Variants in KIF18B observed in about 807,000 individuals in gnomAD.
The protein encoded by KIF18B is kinesin family member 18B.
Under a neutral mutation model 80.9 loss-of-function variants are expected in KIF18B, and 49 were observed. That is an observed-to-expected ratio of 0.61 (90% CI 0.48 to 0.77). The LOEUF (loss-of-function observed/expected upper bound fraction) is 0.77. KIF18B is among the 30% of genes least tolerant of loss of function. The pLI is 0.00. For synonymous variants in KIF18B, 439 were observed against 463.9 expected, an observed-to-expected ratio of 0.95 and a Z score of 0.69; for missense variants, 994 against 1,127.7, an observed-to-expected ratio of 0.88 and a Z score of 1.70.
intron 1 of KIF18B, among the ~76,000 whole-genome samples, chr17:44,945,155 G>A (rs536257845): frequency 6.6e-6 from 1 of 152,312 alleles, no homozygotes; most frequent in African/African-American, 2.4e-5. Context: ...AACCTCCTAA[G>A]GCTCAAAAGA....
chr17:44,927,148 TC>T lies in KIF18B; in HGVS notation c.2277-71del. On this transcript the variant is annotated intron_variant, in intron 13 of 15. Coordinates refer to ENST00000593135, the MANE Select transcript of KIF18B (RefSeq NM_001265577.2). This position sits in a 1 kb window ranked among gnomAD's most constrained non-coding sequence, Gnocchi z 4.1. ...GAAGCAAGGCCAGCCACTTCCTCCC[TC>T]CAGCCCCCAGCTCGGGCATGGGGGA... is the stretch of plus-strand genomic sequence containing the variant. 1 of 1,199,414 alleles carries T rather than the reference TC, an allele frequency of 8.3e-7. No homozygotes were observed. Among genetic ancestry groups the T allele is most frequent in the Non-Finnish European group, 1.2e-6 (1 of 848,606 alleles). The allele number at this position is 1,199,414 out of a possible 1,614,324, so 74.3% of individuals were successfully genotyped here.
rs1446585096 is a variant in KIF18B at position 44,933,580 on chromosome 17, TCTC to T, written c.1062+340_1062+342del. On this transcript the variant is annotated intron_variant, in intron 7 of 15. Transcript: ENST00000593135. ...TTATCTCAGCTCACTGCAACCTTCA[TCTC>T]CTGGGTTCAAGCGATTCTTCTGCCT... is the stretch of plus-strand genomic sequence containing the variant. Among the ~76,000 whole-genome samples the T allele has an allele frequency of 4.0e-4, 60 of 151,460 alleles. 1 individual carries two copies. The highest frequency in any genetic ancestry group is 4.4e-5 in the Non-Finnish European group (3 of 67,842).
At position 44,936,327 on chromosome 17, in the gene KIF18B, G is replaced by T; in HGVS notation, c.18C>A (p.Ser6Arg). MAVEDSTLQVVVRVRP... is the reference protein window; with the variant it reads MAVEDRTLQVVVRVRP... ...GCACCCGTACCACTACTTGCAGCGTGCTGTCCTCCACTGCCATCACTGTGG... is the reference window on the plus strand; with the variant it reads ...GCACCCGTACCACTACTTGCAGCGTTCTGTCCTCCACTGCCATCACTGTGG... Residue 6 changes from serine (S) to arginine (R), a missense_variant, in exon 2 of 16, where the codon AGC (serine) becomes AGA (arginine). Transcript: ENST00000593135. 6.2e-7 allele frequency: 1 copy of T among 1,606,530 alleles called. No individual in the cohort carries two copies. The highest frequency in any genetic ancestry group is 8.5e-7 in the Non-Finnish European group (1 of 1,177,740).
In KIF18B at chr17:44,933,082, C is replaced by T. The variant is rs144510846; in HGVS notation, c.1063-96G>A. On this transcript the variant is annotated intron_variant, in intron 7 of 15. Coordinates refer to ENST00000593135, the MANE Select transcript of KIF18B (RefSeq NM_001265577.2). ...CAGGCACTGCACTAGGTCTCTCCCA[C>T]GTCCCCATGACCCACCCTCGCAAGT... The T allele has an allele frequency of 1.3e-3, 1,484 of 1,136,784 alleles. 7 individuals are homozygous for T. The highest frequency in any genetic ancestry group is 4.1e-3 in the African/African-American group (269 of 65,648). The allele number at this position is 1,136,784 out of a possible 1,614,324, so 70.4% of individuals were successfully genotyped here. A position where few individuals can be genotyped will look rare whatever the true frequency, so the allele number is the denominator to read the frequency against.
At chr17:44,941,341 T>A (rs903719636) in intron 1 of KIF18B, among the ~76,000 whole-genome samples, 29 of 70,684 alleles carry the variant, frequency 4.1e-4, no homozygotes, top group Non-Finnish European at 7.8e-4. Context: ...TTTCTTTTTC[T>A]TTTTTTTTTT....
At chr17:44,931,787 A>G (rs1025375099) in intron 10 of KIF18B, 58 bp from the exon 11 acceptor site, 2 of 1,585,954 alleles carry the variant, frequency 1.3e-6, no homozygotes, top group Non-Finnish European at 8.6e-7. Context: ...TCATCTTTAT[A>G]AACAGCTTCT....
chr17:44,928,442 C>T lies in KIF18B; in HGVS notation c.1860G>A (p.Gly620=), dbSNP rs751410509. ...TCTTCTTCTCCATGGGCCATCGGGA[C>T]CCCTGGGCTGGGGTGCAGTTGGGTC... ...PPGPNCTPAQ[G]SRWPMEKKRR... The change falls in exon 13 of 16, where the codon GGG becomes GGA. Residue 620 remains glycine (G), a synonymous_variant. Coordinates refer to ENST00000593135, the MANE Select transcript of KIF18B (RefSeq NM_001265577.2). 237 of 1,538,014 alleles carry T rather than the reference C, an allele frequency of 1.5e-4. 1 individual carries two copies. The highest frequency in any genetic ancestry group is 2.0e-4 in the Non-Finnish European group (232 of 1,147,028).
rs2052242548 is a variant in KIF18B, at chr17:44,934,764, AAC to A, written c.576+65_576+66del. On this transcript the variant is annotated intron_variant, in intron 4 of 15. Transcript: ENST00000593135. The surrounding 1 kb of genome is among the most constrained non-coding windows in gnomAD (Gnocchi z 5.4). ...CATCACAGGACCCAGGGCATCCCCA[AAC>A]AGTTTTGTGAGGGAACCCCAAGGAC... is the stretch of plus-strand genomic sequence containing the variant. 2.2e-6 allele frequency: 3 copies of A among 1,343,732 alleles called. No homozygotes were observed. Among genetic ancestry groups the A allele is most frequent in the African/African-American group, 3.0e-5 (2 of 67,620 alleles). 83.2% of individuals were successfully genotyped at this position (1,343,732 alleles called of 1,614,324 possible). A position where few individuals can be genotyped will look rare whatever the true frequency, so the allele number is the denominator to read the frequency against.
At chr17:44,947,234 GCAGGGAGT>G (rs1212549757) in intron 1 of KIF18B, among the ~76,000 whole-genome samples, 1 of 151,602 alleles carries the variant, frequency 6.6e-6, no homozygotes, top group Non-Finnish European at 1.5e-5. Flanking sequence ...TCACTGACAT[GCAGGGAGT>G]CCCAGGCCTT....
chr17:44,933,043 C>A, intron 7 of KIF18B, 57 bp from the exon 8 acceptor site: 1 of 1,524,132 alleles, frequency 6.6e-7, no homozygotes, highest in South Asian at 1.2e-5. Flanking sequence ...CTTTTATCAG[C>A]CACCGCCGAT....
At chr17:44,936,624 ATTTTTTTTTTTTTTTTTTT>A (rs72105429) in intron 1 of KIF18B, among the ~76,000 whole-genome samples, 13 of 27,896 alleles carry the variant, frequency 4.7e-4, no homozygotes, top group African/African-American at 1.7e-3. Context: ...ATATATATAT[ATTTTTTTTTTTTTTTTTTT>A]TTTTTTTTTT....
chr17:44,938,871 C>T (rs2052361157), intron 1 of KIF18B, among the ~76,000 whole-genome samples: 1 of 151,632 alleles, frequency 6.6e-6, no homozygotes, highest in South Asian at 2.1e-4. Flanking sequence ...ATGAAGAAAC[C>T]CCGTCTCTAC....
chr17:44,939,931 G>T (rs146102090), intron 1 of KIF18B, among the ~76,000 whole-genome samples: 3 of 152,306 alleles, frequency 2.0e-5, no homozygotes, highest in Admixed American at 6.5e-5. Context: ...AGCCTCCTGA[G>T]CAGCTGGGAT....
chr17:44,943,312 G>A (rs866847727), intron 1 of KIF18B, among the ~76,000 whole-genome samples: 7 of 151,984 alleles, frequency 4.6e-5, no homozygotes, highest in African/African-American at 1.7e-4. Context: ...GTGTTAGCCA[G>A]GATGGTCTCG....
chr17:44,936,951 T>G (rs2052324552), intron 1 of KIF18B, among the ~76,000 whole-genome samples: 8 of 151,330 alleles, frequency 5.3e-5, no homozygotes, highest in Admixed American at 4.6e-4. Flanking sequence ...CTCAAATGAC[T>G]ATATTGTTAG....
chr17:44,926,101 G>A lies in KIF18B; in HGVS notation c.2538C>T (p.Asn846=), dbSNP rs754280442. The A allele has an allele frequency of 1.8e-5, 29 of 1,613,782 alleles. No individual in the cohort carries two copies. Among genetic ancestry groups the A allele is most frequent in the South Asian group, 3.3e-5 (3 of 91,082 alleles). Residue 846 remains asparagine, a synonymous_variant, in exon 16 of 16, where the codon AAC becomes AAT. Transcript: ENST00000593135. ...GCGGTCAGGACACCTTGGTGACGCC[G>A]TTCCCTGCTGAGAGTGCTCTCCCCA... is the stretch of plus-strand genomic sequence containing the variant. ...IRVGRALSAG[N]GVTKVS
At chr17:44,932,579 G>T in intron 9 of KIF18B, 94 bp downstream of exon 9, 1 of 765,996 alleles carries the variant, frequency 1.3e-6, no homozygotes, top group South Asian at 1.5e-5. Flanking sequence ...GCAGAAGCAA[G>T]GAGTCCTAGT....
rs1286502132 is a variant in KIF18B, at chr17:44,934,383, G to A, written c.735C>T (p.Val245=). 2 of 1,606,916 alleles carry A rather than the reference G, an allele frequency of 1.2e-6. No homozygotes were observed. The highest frequency in any genetic ancestry group is 1.7e-6 in the Non-Finnish European group (2 of 1,176,546). The stretch of plus-strand genomic sequence containing the variant: ...CAATCAGGCTCATCTTGGCCACCTG[G>A]ACAGCCTGGGTCAGTCCTGGAACCC... ...QDRVPGLTQA[V]QVAKMSLIDL... is the part of the protein sequence containing the mutation. Residue 245 remains valine (V), a synonymous_variant, in exon 6 of 16, where the codon GTC becomes GTT. Transcript: ENST00000593135. This position sits in a 1 kb window ranked among gnomAD's most constrained non-coding sequence, Gnocchi z 5.4.
intron 1 of KIF18B, 52 bp from the exon 2 acceptor site, chr17:44,936,410 G>A (rs1261761026): frequency 1.3e-6 from 2 of 1,508,296 alleles, no homozygotes; most frequent in Admixed American, 4.2e-5. Flanking sequence ...GGCCTGACCA[G>A]GTGCCCCCTC....
Sources: allele counts gnomAD v4.1 joint callset (sites outside exome capture counted in the v4.1 genomes callset), GRCh38; gene constraint gnomAD v4.1.1; non-coding constraint Gnocchi (gnomAD v3.1); transcripts MANE v1.5; gene names NCBI Gene and HGNC (gene_info 2026-07-23, HGNC 2026-07-21).